Variants in ATXN7L2 observed in about 807,000 individuals in gnomAD.
The protein encoded by ATXN7L2 is ataxin-7-like protein 2.
In ATXN7L2, 17 loss-of-function variants were observed where a neutral mutation model predicts 59.6. The observed-to-expected ratio is 0.29, with a 90% CI of 0.20 to 0.43. ATXN7L2 has a LOEUF of 0.43. Ranked by LOEUF, ATXN7L2 falls within the 20% of genes least tolerant of loss-of-function variation. The probability of loss-of-function intolerance (pLI) is 1.00; values close to 1 mark genes in which losing one functional copy is unlikely to be tolerated. For missense variants in ATXN7L2, 858 were observed against 1,008.9 expected (o/e 0.85, Z 2.03); for synonymous variants, 378 against 392.5 (o/e 0.96, Z 0.44).
intron 1 of ATXN7L2, chr1:109,485,787 C>T (rs1032383020): frequency 3.5e-6 from 4 of 1,139,168 alleles, no homozygotes; most frequent in South Asian, 4.3e-5. Context: ...ATGGATTCTT[C>T]TTAGTGGGGC....
intron 10 of ATXN7L2, 115 bp from the exon 11 acceptor site, chr1:109,492,471 C>T (rs1557875639): frequency 1.4e-6 from 2 of 1,415,074 alleles, no homozygotes. Flanking sequence ...GTTTTACTCA[C>T]CAGGCCAGCA....
chr1:109,485,437 C>G, intron 1 of ATXN7L2: 1 of 985,442 alleles, frequency 1.0e-6, no homozygotes, highest in Non-Finnish European at 1.2e-6. Flanking sequence ...CCAAAGACAG[C>G]AGTTTCTCTG....
chr1:109,483,935 G>GCGCGCGTC lies in ATXN7L2; in HGVS notation c.-14_-7dup. 1 of 1,201,728 alleles carries GCGCGCGTC rather than the reference G, an allele frequency of 8.3e-7. No individual in the cohort carries two copies. 74.4% of individuals were successfully genotyped at this position (1,201,728 alleles called of 1,614,324 possible). Reference sequence around the variant, plus strand: ...CCGCGCGGCGGCGGCGCCAGGGCGGGCGCGCGTCCGCGGCGGTGATGGCGG... The same window carrying GCGCGCGTC: ...CCGCGCGGCGGCGGCGCCAGGGCGGGCGCGCGTCCGCGCGTCCGCGGCGGTGATGGCGG... On this transcript the variant is annotated 5_prime_UTR_variant, in exon 1 of 11. Coordinates refer to ENST00000683729, the MANE Select transcript of ATXN7L2 (RefSeq NM_001350175.2).
intron 7 of ATXN7L2, chr1:109,489,538 C>T (rs893112228): frequency 1.8e-5 from 6 of 336,530 alleles, no homozygotes; most frequent in Non-Finnish European, 2.7e-5. Context: ...GGGGCAGACA[C>T]GAAACACAGG....
chr1:109,488,378 C>T lies in ATXN7L2; in HGVS notation c.797-5C>T. 1.3e-6 allele frequency: 2 copies of T among 1,595,638 alleles called. No homozygotes were observed. The highest frequency in any genetic ancestry group is 1.1e-5 in the South Asian group (1 of 88,392). ...TGAGGTTCATTGGAAGTGCTTTCCC[C>T]ACAGGGAAGGAGTGCGACCTCAACA... On this transcript the variant is annotated splice_polypyrimidine_tract_variant and splice_region_variant and intron_variant, in intron 5 of 10. Transcript: ENST00000683729. This position sits in a 1 kb window ranked among gnomAD's most constrained non-coding sequence, Gnocchi z 5.0.
At position 109,486,907 on chromosome 1, in the gene ATXN7L2, A is replaced by T; in HGVS notation, c.299-100A>T. 4.4e-6 allele frequency: 5 copies of T among 1,124,450 alleles called. No homozygotes were observed. Among genetic ancestry groups the T allele is most frequent in the Non-Finnish European group, 6.2e-6 (5 of 808,468 alleles). The allele number at this position is 1,124,450 out of a possible 1,614,324, so 69.7% of individuals were successfully genotyped here. ...GCATGTTTACAATCTAATTTATGGAAACTCAGATTCTCTCATGTGAGTCTA... is the reference window on the plus strand; with the variant it reads ...GCATGTTTACAATCTAATTTATGGATACTCAGATTCTCTCATGTGAGTCTA... On this transcript the variant is annotated intron_variant, in intron 3 of 10. Transcript: ENST00000683729. This position sits in a 1 kb window ranked among gnomAD's most constrained non-coding sequence, Gnocchi z 4.3.
At chr1:109,492,775 A>G, downstream of ATXN7L2, 1 of 762,464 alleles carries the variant, frequency 1.3e-6, no homozygotes. Context: ...AAATATAAAA[A>G]CAGAAACATA....
At chr1:109,489,872 C>T (rs1257118682) in intron 7 of ATXN7L2, 58 bp from the exon 8 acceptor site, 5 of 1,591,184 alleles carry the variant, frequency 3.1e-6, no homozygotes, top group Admixed American at 1.7e-5. Context: ...TTCAAGGATG[C>T]CCCTACTCTG....
intron 1 of ATXN7L2, 24 bp downstream of exon 1, chr1:109,484,104 C>T (rs1395166711): frequency 2.0e-5 from 30 of 1,484,200 alleles, no homozygotes; most frequent in Non-Finnish European, 2.6e-5. Flanking sequence ...CCCTAAAGTC[C>T]GGGGACCCCA....
Position 109,490,988 on chromosome 1 carries a change from C to T in ATXN7L2, c.1521C>T (p.Ser507=). Residue 507 remains serine, a synonymous_variant, in exon 10 of 11, where the codon AGC becomes AGT. Coordinates refer to ENST00000683729, the MANE Select transcript of ATXN7L2 (RefSeq NM_001350175.2). The part of the protein sequence containing the change: ...LVNSPLSAPL[S]PSSTGTCPRL... ...ACTCCCCGTTATCTGCTCCCCTGAG[C>T]CCATCCTCTACAGGCACCTGCCCCC... is the stretch of plus-strand genomic sequence containing the variant. 4 of 1,612,518 alleles carry T rather than the reference C, an allele frequency of 2.5e-6. No homozygotes were observed. The Admixed American group carries it at 5.0e-5, about 20-fold the overall frequency.
At position 109,490,367 on chromosome 1, in the gene ATXN7L2, C is replaced by T. The variant is rs770557237; in HGVS notation, c.1429C>T (p.Arg477Trp). 3.3e-5 allele frequency: 53 copies of T among 1,613,442 alleles called. No individual in the cohort carries two copies. The highest frequency in any genetic ancestry group is 2.4e-4 in the South Asian group (22 of 91,092). The change falls in exon 9 of 11, where the codon CGG becomes TGG. Residue 477 changes from arginine to tryptophan, a missense_variant. This residue lies in a region of ATXN7L2 where 734 missense variants were observed against 862.3 expected (regional missense o/e 0.85). Coordinates refer to ENST00000683729, the MANE Select transcript of ATXN7L2 (RefSeq NM_001350175.2). Reference protein sequence around the residue: ...FCSALSSMLERHLSTHMWKKI... With the variant: ...FCSALSSMLEWHLSTHMWKKI... ...CTCAGCACTCAGCTCCATGCTGGAA[C>T]GGCACCTCAGCACACACATGTGGAA...
intron 7 of ATXN7L2, 101 bp downstream of exon 7, chr1:109,489,201 C>T: frequency 7.0e-7 from 1 of 1,435,720 alleles, no homozygotes; most frequent in Non-Finnish European, 9.4e-7. Context: ...GGAAGAGGCA[C>T]TCCCTCAGCC....
intron 1 of ATXN7L2, among the ~76,000 whole-genome samples, chr1:109,485,083 C>A (rs1465524105): frequency 6.6e-6 from 1 of 152,180 alleles, no homozygotes; most frequent in Non-Finnish European, 1.5e-5. Context: ...CATCAGAGAG[C>A]AGACCTAAGT....
rs750797386 is a variant in ATXN7L2, at chr1:109,491,221, C to T, written c.1754C>T (p.Ala585Val). 2 of 1,614,184 alleles carry T rather than the reference C, an allele frequency of 1.2e-6. No homozygotes were observed. Among genetic ancestry groups the T allele is most frequent in the Non-Finnish European group, 1.7e-6 (2 of 1,180,054 alleles). Residue 585 changes from alanine to valine, a missense_variant, in exon 10 of 11, where the codon GCC becomes GTC. Around this residue, in one of 3 missense-constraint regions of ATXN7L2, gnomAD observed 734 missense variants for 862.3 expected, o/e 0.85. Transcript: ENST00000683729. The surrounding 1 kb of genome is among the most constrained non-coding windows in gnomAD (Gnocchi z 4.1). ...TTCAGCAAGCTGCCGCCTTCCAAGGCCAGCAAGTCATCCAAAGGCAAGGAC... is the reference window on the plus strand; with the variant it reads ...TTCAGCAAGCTGCCGCCTTCCAAGGTCAGCAAGTCATCCAAAGGCAAGGAC... ...PSFSKLPPSK[A>V]SKSSKGKDGV...
At chr1:109,484,752 T>C (rs1286340495) in intron 1 of ATXN7L2, among the ~76,000 whole-genome samples, 2 of 152,180 alleles carry the variant, frequency 1.3e-5, no homozygotes, top group Non-Finnish European at 1.5e-5. Context: ...CTGATCTTTG[T>C]CTTCTGGGCC....
Position 109,486,087 on chromosome 1 carries a change from C to T in ATXN7L2, c.158C>T (p.Thr53Met), listed in dbSNP as rs762277765. ...GAGCTGGAGGAGAGTAGCAAAAACA[C>T]GAAGAAGTTGGATGCCATGACCCTC... ...GAELEESSKNTKKLDAMTLIK... is the reference protein window; with the variant it reads ...GAELEESSKNMKKLDAMTLIK... The change falls in exon 2 of 11, where the codon ACG becomes ATG. Residue 53 changes from threonine (T) to methionine (M), a missense_variant. Physicochemically the swap from Thr to Met is moderately conservative, Grantham distance 81. This residue lies in a region of ATXN7L2 where 95 missense variants were observed against 82.6 expected (regional missense o/e 1.15). Transcript: ENST00000683729. This position sits in a 1 kb window ranked among gnomAD's most constrained non-coding sequence, Gnocchi z 4.3. 80 of 1,600,066 alleles carry T rather than the reference C, an allele frequency of 5.0e-5. 1 individual carries two copies. In the East Asian group the frequency reaches 5.9e-4, roughly 12 times the overall value.
rs985370498 is a variant in ATXN7L2 at position 109,490,862 on chromosome 1, G to A, written c.1455-60G>A. On this transcript the variant is annotated intron_variant, in intron 9 of 10. Coordinates refer to ENST00000683729, the MANE Select transcript of ATXN7L2 (RefSeq NM_001350175.2). ...GGGCAGAGAGACTGGAGTGTGTCTT[G>A]TGTTGGGGGAAGCTGTCTTGTTTCT... 6 of 1,505,252 alleles carry A rather than the reference G, an allele frequency of 4.0e-6. No homozygotes were observed. In the African/African-American group the frequency reaches 8.4e-5, roughly 21 times the overall value. The allele number at this position is 1,505,252 out of a possible 1,614,324, so 93.2% of individuals were successfully genotyped here.
intron 10 of ATXN7L2, chr1:109,492,046 T>C (rs1657124292): frequency 1.8e-6 from 2 of 1,119,080 alleles, no homozygotes. Context: ...CTACCTCTGT[T>C]CCCTGAAGGA....
In ATXN7L2 at chr1:109,491,309, A is replaced by G; in HGVS notation, c.1842A>G (p.Lys614=). The change falls in exon 10 of 11, where the codon AAA becomes AAG. Residue 614 remains lysine (K), a synonymous_variant. Transcript: ENST00000683729. This position sits in a 1 kb window ranked among gnomAD's most constrained non-coding sequence, Gnocchi z 4.1. ...TATCCCCTGGCCCTACCACTCTTAA[A>G]CGGACCTGCATCCTGGAGCCCACTG... ...RKLSPGPTTL[K]RTCILEPTGK... 6.2e-7 allele frequency: 1 copy of G among 1,614,192 alleles called. No individual in the cohort carries two copies. The highest frequency in any genetic ancestry group is 2.2e-5 in the East Asian group (1 of 44,880).
Sources: gnomAD v4.1 joint callset for allele counts (sites outside exome capture counted in the v4.1 genomes callset) on GRCh38, gnomAD v4.1.1 for gene constraint, gnomAD v4.1.1 regional missense constraint, Gnocchi (gnomAD v3.1) non-coding constraint, MANE v1.5 for transcripts, NCBI Gene and HGNC (gene_info 2026-07-23, HGNC 2026-07-21) for gene names.